ELAVL2: variants seen among roughly 807,000 people sequenced by gnomAD.
The protein encoded by ELAVL2 is ELAV like RNA binding protein 2.
ELAVL2 carries 4 observed loss-of-function variants against 34.6 expected under a neutral mutation model. That is an observed-to-expected ratio of 0.12 (90% confidence interval 0.06 to 0.26). The LOEUF (loss-of-function observed/expected upper bound fraction) is 0.26. Among genes scored for constraint, ELAVL2 ranks in the 10% least tolerant of loss-of-function variants. The pLI, the probability that ELAVL2 is intolerant of heterozygous loss-of-function variation, is 1.00. For missense variants in ELAVL2, 432 were observed against 442.8 expected (o/e 0.98, Z 0.22); for synonymous variants, 193 against 154.8 (o/e 1.25, Z -1.83).
chr9:23,693,862 T>TG (rs1393782827), intron 5 of ELAVL2, among the ~76,000 whole-genome samples: 4 of 152,234 alleles, frequency 2.6e-5, no homozygotes, highest in Non-Finnish European at 4.4e-5. Context: ...ACTCTGTTGG[T>TG]GCCTGCAGAT....
chr9:23,827,566 A>G (rs1458663195), upstream of ELAVL2, among the ~76,000 whole-genome samples: 1 of 152,164 alleles, frequency 6.6e-6, no homozygotes, highest in African/African-American at 2.4e-5. Context: ...ATTACATTAC[A>G]CATGTAATGT....
intron 1 of ELAVL2, among the ~76,000 whole-genome samples, chr9:23,793,304 T>A (rs1446409875): frequency 6.6e-6 from 1 of 152,286 alleles, no homozygotes; most frequent in South Asian, 2.1e-4. Flanking sequence ...TTACACAATA[T>A]CTGAAAGATG....
intron 1 of ELAVL2, among the ~76,000 whole-genome samples, chr9:23,783,673 T>C (rs1037822708): frequency 6.6e-6 from 1 of 152,124 alleles, no homozygotes; most frequent in Non-Finnish European, 1.5e-5. Context: ...ATAACCAAGA[T>C]GACTCAGATA....
At chr9:23,787,049 G>A (rs968182713) in intron 1 of ELAVL2, among the ~76,000 whole-genome samples, 1 of 152,066 alleles carries the variant, frequency 6.6e-6, no homozygotes. Flanking sequence ...GGAAAGACAA[G>A]AATTCAAACA....
In ELAVL2 at chr9:23,691,915, C is replaced by T. The variant is rs1004170227; in HGVS notation, c.*642G>A. 6.6e-6 allele frequency: 1 copy of T among 152,336 alleles called. No individual in the cohort carries two copies. Among genetic ancestry groups the T allele is most frequent in the African/African-American group, 2.4e-5 (1 of 41,342 alleles). The allele number at this position is 152,336 out of a possible 1,614,324, so 9.4% of individuals were successfully genotyped here. ...TATAAAAATAGATGCTTTTTTTAAA[C>T]CCACATCAAAGAGGCTCTTATCTCT... On this transcript the variant is annotated 3_prime_UTR_variant, in exon 7 of 7. Transcript: ENST00000397312.
At chr9:23,815,907 TAG>T (rs370026112) in intron 1 of ELAVL2, among the ~76,000 whole-genome samples, 51 of 152,268 alleles carry the variant, frequency 3.3e-4, no homozygotes, top group African/African-American at 1.2e-3. Flanking sequence ...CAGGAAAGCT[TAG>T]AGTCAGTCAT....
chr9:23,778,963 T>A (rs1034592652), intron 1 of ELAVL2, among the ~76,000 whole-genome samples: 6 of 152,130 alleles, frequency 3.9e-5, no homozygotes, highest in Admixed American at 3.9e-4. Flanking sequence ...GGGGCTGAGT[T>A]TGAGACAGTT....
chr9:23,707,852 A>G (rs764796737), intron 3 of ELAVL2, among the ~76,000 whole-genome samples: 1 of 152,164 alleles, frequency 6.6e-6, no homozygotes, highest in Non-Finnish European at 1.5e-5. Context: ...CCAGCCCCTT[A>G]AAGTAGAGAG....
rs765126760 is a variant in ELAVL2, at chr9:23,692,624, T to C, written c.1013A>G (p.Asn338Ser). The change falls in exon 7 of 7, where the codon AAT becomes AGT. Residue 338 changes from asparagine to serine, a missense_variant. Coordinates refer to ENST00000397312, the MANE Select transcript of ELAVL2 (RefSeq NM_004432.5). ...DEAAMAIASL[N>S]GYRLGDRVLQ... ...TACTCTGTCTCCCAGACGGTATCCA[T>C]TGAGGCTAGCTATCGCCATGGCAGC... 5.6e-6 allele frequency: 9 copies of C among 1,614,188 alleles called. No individual in the cohort carries two copies. Among genetic ancestry groups the C allele is most frequent in the Admixed American group, 1.7e-5 (1 of 60,032 alleles).
At chr9:23,729,764 AATAAAT>A (rs1299402820) in intron 3 of ELAVL2, among the ~76,000 whole-genome samples, 2 of 152,198 alleles carry the variant, frequency 1.3e-5, no homozygotes, top group Non-Finnish European at 2.9e-5. Context: ...CTTAGGGGCC[AATAAAT>A]ATAAAGACTG....
chr9:23,788,838 A>G (rs2060008352), intron 1 of ELAVL2, among the ~76,000 whole-genome samples: 1 of 152,242 alleles, frequency 6.6e-6, no homozygotes, highest in South Asian at 2.1e-4. Context: ...GGGAGGATTC[A>G]CATCCTGACT....
chr9:23,736,964 C>T (rs752411881), intron 2 of ELAVL2, among the ~76,000 whole-genome samples: 23 of 152,200 alleles, frequency 1.5e-4, no homozygotes, highest in Admixed American at 1.4e-3. Context: ...AGCCAACTCC[C>T]ATGTATCCTT....
At chr9:23,714,698 G>A (rs772671981) in intron 3 of ELAVL2, among the ~76,000 whole-genome samples, 1 of 152,088 alleles carries the variant, frequency 6.6e-6, no homozygotes, top group Non-Finnish European at 1.5e-5. Flanking sequence ...GAACTTCATG[G>A]AATAACTTCT....
intron 2 of ELAVL2, among the ~76,000 whole-genome samples, chr9:23,753,595 AAAG>A (rs2052705045): frequency 2.0e-5 from 3 of 152,196 alleles, no homozygotes; most frequent in Admixed American, 1.3e-4. Flanking sequence ...ACTACAAAAA[AAAG>A]AAGCAACAAG....
chr9:23,714,396 T>C (rs1459578185), intron 3 of ELAVL2, among the ~76,000 whole-genome samples: 1 of 152,212 alleles, frequency 6.6e-6, no homozygotes, highest in Non-Finnish European at 1.5e-5. Flanking sequence ...AGTTAATTCC[T>C]GAATATTCCA....
intron 1 of ELAVL2, among the ~76,000 whole-genome samples, chr9:23,817,210 G>C (rs1296870767): frequency 6.6e-6 from 1 of 151,892 alleles, no homozygotes; most frequent in East Asian, 1.9e-4. Context: ...ATAGATATCA[G>C]TAATATAAAT....
chr9:23,699,016 T>G (rs943737568), intron 5 of ELAVL2, among the ~76,000 whole-genome samples: 2 of 152,200 alleles, frequency 1.3e-5, no homozygotes, highest in Non-Finnish European at 2.9e-5. Flanking sequence ...GAAACCAAGT[T>G]TCCCTTACAA....
chr9:23,702,958 A>AAAAAC (rs2037860601), intron 4 of ELAVL2, among the ~76,000 whole-genome samples: 1 of 79,192 alleles, frequency 1.3e-5, no homozygotes, highest in Non-Finnish European at 2.3e-5. Context: ...TAGCAAAAAA[A>AAAAAC]AAAAAAAAAA....
At chr9:23,756,567 C>T (rs2053605056) in intron 2 of ELAVL2, among the ~76,000 whole-genome samples, 1 of 152,150 alleles carries the variant, frequency 6.6e-6, no homozygotes, top group Non-Finnish European at 1.5e-5. Context: ...TAAACACACA[C>T]ACACACACAT....
Sources: allele counts gnomAD v4.1 joint callset (sites outside exome capture counted in the v4.1 genomes callset), GRCh38; gene constraint gnomAD v4.1.1; transcripts MANE v1.5; gene names NCBI Gene and HGNC (gene_info 2026-07-23, HGNC 2026-07-21).